NLGN1: variants seen among roughly 807,000 people sequenced by gnomAD.
NLGN1 encodes the protein neuroligin-1.
Under a neutral mutation model 65.5 loss-of-function variants are expected in NLGN1, and 12 were observed. The ratio of observed to expected loss-of-function variants is 0.18; its 90% CI spans 0.12 to 0.30. NLGN1 has a LOEUF of 0.30. NLGN1 is among the 10% of genes least tolerant of loss of function. The probability of loss-of-function intolerance (pLI) is 1.00; values close to 1 mark genes in which losing one functional copy is unlikely to be tolerated. For synonymous variants in NLGN1, 350 were observed against 359.5 expected, an observed-to-expected ratio of 0.97 and a Z score of 0.30; for missense variants, 750 against 1,007.1, an observed-to-expected ratio of 0.74 and a Z score of 3.46.
intron 3 of NLGN1, among the ~76,000 whole-genome samples, chr3:173,669,769 G>GT (rs1218463942): frequency 1.3e-5 from 2 of 152,098 alleles, no homozygotes; most frequent in South Asian, 4.1e-4. Context: ...TATAATACAA[G>GT]TTTTTTAACA....
chr3:173,395,999 G>A (rs374337827), upstream of NLGN1, among the ~76,000 whole-genome samples: 2 of 152,102 alleles, frequency 1.3e-5, no homozygotes, highest in African/African-American at 4.8e-5. Flanking sequence ...GAGGGAGAGA[G>A]AGAAGGTGGC....
At chr3:173,486,687 C>T (rs889523753) in intron 2 of NLGN1, among the ~76,000 whole-genome samples, 19 of 152,170 alleles carry the variant, frequency 1.2e-4, no homozygotes, top group South Asian at 2.1e-4. Flanking sequence ...GAACATAATT[C>T]GATTTGTTCT....
intron 2 of NLGN1, among the ~76,000 whole-genome samples, chr3:173,580,882 A>G (rs1261714555): frequency 2.7e-5 from 4 of 149,822 alleles, no homozygotes; most frequent in Non-Finnish European, 1.5e-5. Context: ...ATAGGAAACT[A>G]AGGATTTGTG....
chr3:174,263,314 G>C (rs1435315940), intron 4 of NLGN1, among the ~76,000 whole-genome samples: 1 of 144,124 alleles, frequency 6.9e-6, no homozygotes, highest in Non-Finnish European at 1.5e-5. Context: ...ATGTGTGGGA[G>C]TCTAAGTCTC....
intron 1 of NLGN1, among the ~76,000 whole-genome samples, chr3:173,401,488 TAAG>T (rs1243040665): frequency 1.3e-5 from 2 of 152,018 alleles, no homozygotes; most frequent in Non-Finnish European, 2.9e-5. Flanking sequence ...AAAAAACAAA[TAAG>T]AAGAAGGAAG....
In NLGN1 at chr3:173,878,650, G is replaced by GTA. The variant is rs201561847; in HGVS notation, c.646+70831_646+70832dup. 3.2e-3 allele frequency among the ~76,000 whole-genome samples: 467 copies of GTA among 146,880 alleles called. 5 individuals are homozygous for GTA. The highest frequency in any genetic ancestry group is 7.4e-3 in the African/African-American group (296 of 40,152). ...TATAAATATATATACTTATATATGTGTATATATATATATACACATACATAT... is the reference window on the plus strand; with the variant it reads ...TATAAATATATATACTTATATATGTGTATATATATATATATACACATACATAT... On this transcript the variant is annotated intron_variant, in intron 4 of 6. Coordinates refer to ENST00000457714, the Ensembl canonical transcript of NLGN1.
chr3:173,587,103 A>C lies in NLGN1; in HGVS notation c.-320-17176A>C, dbSNP rs151193805. On this transcript the variant is annotated intron_variant, in intron 2 of 6. Transcript: ENST00000457714. ...GAAGGTCCTTTTAAAATTGATTTGCATATTCCAAAACCATTAAATCAGTAG... is the reference window on the plus strand; with the variant it reads ...GAAGGTCCTTTTAAAATTGATTTGCCTATTCCAAAACCATTAAATCAGTAG... Among the ~76,000 whole-genome samples, 193 of 152,328 alleles carry C rather than the reference A, an allele frequency of 1.3e-3. 1 individual carries two copies. Among genetic ancestry groups the C allele is most frequent in the Middle Eastern group, 6.8e-3 (2 of 294 alleles).
At chr3:173,435,764 G>A (rs981098362) in intron 2 of NLGN1, among the ~76,000 whole-genome samples, 1 of 152,266 alleles carries the variant, frequency 6.6e-6, no homozygotes, top group Admixed American at 6.5e-5. Flanking sequence ...GAACCTGGGA[G>A]GCAGAGGCTG....
chr3:173,919,828 A>G (rs909497224), intron 4 of NLGN1, among the ~76,000 whole-genome samples: 3 of 152,146 alleles, frequency 2.0e-5, no homozygotes, highest in Non-Finnish European at 4.4e-5. Flanking sequence ...CAGTTTTGCT[A>G]TAGAGAAGAC....
intron 2 of NLGN1, among the ~76,000 whole-genome samples, chr3:173,511,994 C>G (rs144483369): frequency 6.6e-6 from 1 of 152,132 alleles, no homozygotes; most frequent in African/African-American, 2.4e-5. Flanking sequence ...CCACTCAACC[C>G]CTCATGGGTG....
At chr3:173,749,909 G>A (rs762326904) in intron 3 of NLGN1, among the ~76,000 whole-genome samples, 9 of 152,004 alleles carry the variant, frequency 5.9e-5, no homozygotes, top group African/African-American at 1.4e-4. Context: ...GGCAGTTAAC[G>A]TTCCTGGTAA....
the NLGN1 span, among the ~76,000 whole-genome samples, chr3:174,293,473 C>T: frequency 6.6e-6 from 1 of 151,190 alleles, no homozygotes; most frequent in Non-Finnish European, 1.5e-5. Context: ...AAAAAAACAC[C>T]TGTGAAAGCA....
rs546489540 is a variant in NLGN1 at position 174,030,526 on chromosome 3, T to C, written c.646+222694T>C. ...GCAAGTTAAATTTCCGTGTAAGCTG[T>C]GTCTGATTCTGAAGTATGCTTTTAA... On this transcript the variant is annotated intron_variant, in intron 4 of 6. Transcript: ENST00000457714. Among the ~76,000 whole-genome samples, 13 of 152,338 alleles carry C rather than the reference T, an allele frequency of 8.5e-5. No individual in the cohort carries two copies. In the South Asian group the frequency reaches 2.1e-3, roughly 24 times the overall value.
chr3:174,082,062 A>G (rs1742349639), intron 4 of NLGN1, among the ~76,000 whole-genome samples: 1 of 152,210 alleles, frequency 6.6e-6, no homozygotes, highest in East Asian at 1.9e-4. Flanking sequence ...CTGCAGTGTA[A>G]TTATTACTTT....
At chr3:173,708,906 C>G (rs1042449237) in intron 3 of NLGN1, among the ~76,000 whole-genome samples, 1 of 152,170 alleles carries the variant, frequency 6.6e-6, no homozygotes, top group South Asian at 2.1e-4. Flanking sequence ...TAAACCAATG[C>G]GTTATTCGGT....
intron 1 of NLGN1, among the ~76,000 whole-genome samples, chr3:173,419,032 T>C: frequency 1.0e-5 from 1 of 96,820 alleles, no homozygotes; most frequent in Non-Finnish European, 2.2e-5. Flanking sequence ...TTTTTTTTTT[T>C]TTTTTTTTTT....
chr3:173,442,886 C>T (rs1030956152), intron 2 of NLGN1, among the ~76,000 whole-genome samples: 9 of 152,122 alleles, frequency 5.9e-5, no homozygotes, highest in African/African-American at 2.2e-4. Context: ...AAGATACACA[C>T]ATATTACATA....
At chr3:173,709,803 CAAA>C (rs59998502) in intron 3 of NLGN1, among the ~76,000 whole-genome samples, 8 of 69,256 alleles carry the variant, frequency 1.2e-4, no homozygotes, top group African/African-American at 2.8e-4. Flanking sequence ...AACTCTATCT[CAAA>C]AAAAAAAAAA....
At chr3:173,644,594 G>C (rs1038032493) in intron 3 of NLGN1, 16 of 161,240 alleles carry the variant, frequency 9.9e-5, no homozygotes, top group African/African-American at 3.6e-4. Context: ...GCTGTGCCCT[G>C]GTTCTGCGAG....
Sources: gnomAD v4.1 joint callset for allele counts (sites outside exome capture counted in the v4.1 genomes callset) on GRCh38, gnomAD v4.1.1 for gene constraint, MANE v1.5 for transcripts, NCBI Gene and HGNC (gene_info 2026-07-23, HGNC 2026-07-21) for gene names.